GART: variants seen among roughly 807,000 people sequenced by gnomAD.
GART encodes the protein trifunctional purine biosynthetic protein adenosine-3.
GART carries 43 observed loss-of-function variants against 107.2 expected under a neutral mutation model. The ratio of observed to expected loss-of-function variants is 0.40; its 90% CI spans 0.31 to 0.52. GART has a LOEUF of 0.52. Ranked by LOEUF, GART falls within the 20% of genes least tolerant of loss-of-function variation. The pLI is 0.52. For synonymous variants in GART, 434 were observed against 427.0 expected (o/e 1.02, Z -0.20); for missense variants, 1,107 against 1,206.5 (o/e 0.92, Z 1.22).
At chr21:33,529,393 AC>A (rs1954016882) in intron 7 of GART, among the ~76,000 whole-genome samples, 1 of 152,030 alleles carries the variant, frequency 6.6e-6, no homozygotes, top group African/African-American at 2.4e-5. Flanking sequence ...GGTGTGAACC[AC>A]TGTGCCTGGC....
intron 4 of GART, among the ~76,000 whole-genome samples, chr21:33,532,787 C>G (rs1366584379): frequency 6.6e-6 from 1 of 152,036 alleles, no homozygotes; most frequent in African/African-American, 2.4e-5. Context: ...TACTCTCATT[C>G]AGGTAGAAAA....
chr21:33,509,715 C>CA (rs1374709374), intron 18 of GART, 68 bp downstream of exon 18: 15 of 1,529,230 alleles, frequency 9.8e-6, no homozygotes. Context: ...CTTACAATCT[C>CA]ACAAGAGTGC....
rs756299799 is a variant in GART at position 33,504,369 on chromosome 21, A to C, written c.2841+43T>G. 10 of 1,608,432 alleles carry C rather than the reference A, an allele frequency of 6.2e-6. No individual in the cohort carries two copies. In the African/African-American group the frequency reaches 1.2e-4, roughly 19 times the overall value. On this transcript the variant is annotated intron_variant, in intron 21 of 21. Transcript: ENST00000381815. Reference sequence around the variant, plus strand: ...TTACCTTCTAGCCAGTGTCATTTACATCTGACTACTAATATTATGTTGGTA... The same window carrying C: ...TTACCTTCTAGCCAGTGTCATTTACCTCTGACTACTAATATTATGTTGGTA...
rs1383750782 is a variant in GART at position 33,528,919 on chromosome 21, G to A, written c.742C>T (p.Leu248=). Reference sequence around the variant, plus strand: ...TGAAGAACAGTATCTTTAATTTTTAGTAATAGATCATTAGAAACCTGGAGA... The same window carrying A: ...TGAAGAACAGTATCTTTAATTTTTAATAATAGATCATTAGAAACCTGGAGA... ...PAPQVSNDLL[L]KIKDTVLQRT... The change falls in exon 8 of 22, where the codon CTA becomes TTA. Residue 248 remains leucine, a synonymous_variant. Coordinates refer to ENST00000381815, the MANE Select transcript of GART (RefSeq NM_000819.5). 1 of 1,611,796 alleles carries A rather than the reference G, an allele frequency of 6.2e-7. No individual in the cohort carries two copies. The highest frequency in any genetic ancestry group is 1.7e-5 in the Admixed American group (1 of 59,986).
chr21:33,527,169 A>G (rs929956621), intron 10 of GART, among the ~76,000 whole-genome samples: 1 of 152,314 alleles, frequency 6.6e-6, no homozygotes, highest in South Asian at 2.1e-4. Flanking sequence ...CGTGGGATTC[A>G]TAAGGCAATG....
chr21:33,524,086 A>G (rs573840399), intron 11 of GART: 3 of 985,424 alleles, frequency 3.0e-6, no homozygotes, highest in South Asian at 4.7e-5. Context: ...AGGTCAAAAA[A>G]TACATTTTAG....
chr21:33,538,183 G>GC (rs1170256091), intron 2 of GART, among the ~76,000 whole-genome samples: 3 of 146,700 alleles, frequency 2.0e-5, no homozygotes, highest in African/African-American at 5.1e-5. Context: ...GCCAGAGGTT[G>GC]CAGTGAGCTG....
At chr21:33,513,815 A>G (rs1165434692) in intron 16 of GART, among the ~76,000 whole-genome samples, 1 of 152,244 alleles carries the variant, frequency 6.6e-6, no homozygotes, top group African/African-American at 2.4e-5. Context: ...TAGTGATGAC[A>G]TATTTAATGG....
chr21:33,542,876 C>T, upstream of GART: 1 of 594,006 alleles, frequency 1.7e-6, no homozygotes, highest in South Asian at 2.0e-5. Flanking sequence ...GTGCGCGGCG[C>T]AAACGTCAGC....
At chr21:33,521,138 A>C (rs1601196491) in intron 12 of GART, 123 bp from the exon 13 acceptor site, 1 of 682,064 alleles carries the variant, frequency 1.5e-6, no homozygotes, top group African/African-American at 1.8e-5. Flanking sequence ...TTCTGGAAGA[A>C]ATAGATGATT....
At chr21:33,530,915 T>C in intron 6 of GART, 31 bp from the exon 7 acceptor site, 2 of 1,505,276 alleles carry the variant, frequency 1.3e-6, no homozygotes, top group Non-Finnish European at 1.8e-6. Flanking sequence ...TCCATTTATG[T>C]TAACTGTCAA....
chr21:33,517,416 G>A lies in GART; in HGVS notation c.1895C>T (p.Ala632Val), dbSNP rs59920090. ...AGAGGAGTACTGGAGGGAAGATTTT[G>A]CCACGATTTTCCTCACAAGGCTAAA... ...NGFSLVRKIV[A>V]KSSLQYSSPA... The change falls in exon 15 of 22, where the codon GCA (alanine) becomes GTA (valine). Residue 632 changes from alanine (A) to valine (V), a missense_variant. Transcript: ENST00000381815. The A allele has an allele frequency of 4.4e-3, 7,164 of 1,614,056 alleles. 280 individuals are homozygous for A. The African/African-American group carries it at 0.085, about 19-fold the overall frequency.
At chr21:33,521,372 C>T (rs1045941282) in intron 12 of GART, among the ~76,000 whole-genome samples, 3 of 150,480 alleles carry the variant, frequency 2.0e-5, no homozygotes, top group African/African-American at 7.5e-5. Context: ...TGGCTCACCC[C>T]TGTAATCCCA....
At chr21:33,521,154 A>C (rs1424250562) in intron 12 of GART, 139 bp from the exon 13 acceptor site, 1 of 636,450 alleles carries the variant, frequency 1.6e-6, no homozygotes, top group Non-Finnish European at 2.8e-6. Flanking sequence ...TGATTGGAAC[A>C]GCTGTTCTCA....
chr21:33,518,769 CCA>C (rs761097633), intron 14 of GART: 2 of 475,750 alleles, frequency 4.2e-6, no homozygotes, highest in South Asian at 1.6e-5. Flanking sequence ...GCTTTTCCAT[CCA>C]CAGACTATTT....
At chr21:33,542,483 T>G (rs1330370879), upstream of GART, 1 of 153,248 alleles carries the variant, frequency 6.5e-6, no homozygotes, top group Non-Finnish European at 1.5e-5. Context: ...GGGCTTTGAA[T>G]GCCGGTCGCT....
chr21:33,523,236 A>G (rs2145720530), intron 11 of GART, among the ~76,000 whole-genome samples: 1 of 152,334 alleles, frequency 6.6e-6, no homozygotes, highest in Admixed American at 6.5e-5. Context: ...AAAAAAGCAT[A>G]CAAAAACAAA....
chr21:33,506,065 G>T lies in GART; in HGVS notation c.2492C>A (p.Pro831Gln). The T allele has an allele frequency of 6.2e-7, 1 of 1,614,080 alleles. No homozygotes were observed. The highest frequency in any genetic ancestry group is 1.1e-5 in the South Asian group (1 of 91,066). Residue 831 changes from proline (P) to glutamine (Q), a missense_variant, in exon 19 of 22, where the codon CCA becomes CAA. Physicochemically the swap from Pro to Gln is moderately conservative, Grantham distance 76 (BLOSUM62 -1). Transcript: ENST00000381815. ...LQALIDSTRE[P>Q]NSSAQIDIVI... ...AATATCAATTTGTGCAGAGCTATTTGGTTCCCGAGTACTGTCTATAAGTGC... is the reference window on the plus strand; with the variant it reads ...AATATCAATTTGTGCAGAGCTATTTTGTTCCCGAGTACTGTCTATAAGTGC...
chr21:33,539,060 A>T (rs1601235424), intron 2 of GART, 111 bp downstream of exon 2: 1 of 1,032,956 alleles, frequency 9.7e-7, no homozygotes, highest in Non-Finnish European at 1.4e-6. Flanking sequence ...GATTACAGGC[A>T]TTAGCCACTG....
Sources: gnomAD v4.1 joint callset for allele counts (sites outside exome capture counted in the v4.1 genomes callset) on GRCh38, gnomAD v4.1.1 for gene constraint, MANE v1.5 for transcripts, NCBI Gene and HGNC (gene_info 2026-07-23, HGNC 2026-07-21) for gene names.